CHIC2: variants seen among roughly 807,000 people sequenced by gnomAD.
The protein encoded by CHIC2 is cysteine rich hydrophobic domain 2, also known as cysteine-rich hydrophobic domain-containing protein 2.
A neutral mutation model predicts 25.9 loss-of-function variants in CHIC2; 14 were observed. The ratio of observed to expected loss-of-function variants is 0.54; its 90% confidence interval spans 0.36 to 0.85. CHIC2 has a LOEUF of 0.85. CHIC2 is among the 40% of genes least tolerant of loss of function. The pLI, the probability that CHIC2 is intolerant of heterozygous loss-of-function variation, is 0.01. For synonymous variants in CHIC2, 70 were observed against 72.0 expected (o/e 0.97, Z 0.14); for missense variants, 146 against 202.0 (o/e 0.72, Z 1.68).
At chr4:54,069,609 T>C in the CHIC2 span, among the ~76,000 whole-genome samples, 10 of 152,332 alleles carry the variant, frequency 6.6e-5, no homozygotes, top group Admixed American at 1.3e-4. Context: ...CAGCCCCTTC[T>C]GGTGATCAGC....
the CHIC2 span, chr4:54,087,604 C>T: frequency 2.0e-5 from 14 of 707,312 alleles, no homozygotes; most frequent in African/African-American, 2.4e-4. Flanking sequence ...CACACACCTA[C>T]TGAGGTTATT....
upstream of CHIC2, chr4:54,065,459 A>G: frequency 4.4e-6 from 1 of 225,994 alleles, no homozygotes; most frequent in South Asian, 1.6e-4. Flanking sequence ...GGCAGAGGAG[A>G]GGAAGAAAAG....
At chr4:54,078,393 TCTGGATCATAA>T in the CHIC2 span, among the ~76,000 whole-genome samples, 4 of 152,228 alleles carry the variant, frequency 2.6e-5, no homozygotes, top group Non-Finnish European at 4.4e-5. Context: ...CTCTTTTGTT[TCTGGATCATAA>T]TTAAAATAAT....
At chr4:54,041,367 A>T (rs1716573385) in intron 3 of CHIC2, among the ~76,000 whole-genome samples, 1 of 152,104 alleles carries the variant, frequency 6.6e-6, no homozygotes, top group Non-Finnish European at 1.5e-5. Flanking sequence ...ATGCCTCTCG[A>T]TCGAGGGTTC....
chr4:54,045,905 C>A (rs199737394), intron 3 of CHIC2, among the ~76,000 whole-genome samples: 3 of 152,004 alleles, frequency 2.0e-5, no homozygotes, highest in African/African-American at 7.2e-5. Context: ...AAAACCCCAT[C>A]GTCTCAGCCC....
the CHIC2 span, among the ~76,000 whole-genome samples, chr4:54,086,121 C>T: frequency 5.3e-5 from 8 of 151,870 alleles, no homozygotes; most frequent in African/African-American, 1.9e-4. Flanking sequence ...TATTGAGCAT[C>T]TCCTCTGCCA....
chr4:54,072,622 A>G, the CHIC2 span, among the ~76,000 whole-genome samples: 3 of 152,252 alleles, frequency 2.0e-5, no homozygotes, highest in Non-Finnish European at 2.9e-5. Context: ...TTTAAGGTCT[A>G]GAACTATGAC....
chr4:54,048,611 G>T (rs1577981962), intron 3 of CHIC2, among the ~76,000 whole-genome samples: 1 of 152,046 alleles, frequency 6.6e-6, no homozygotes, highest in East Asian at 1.9e-4. Flanking sequence ...GTCAAGTAGG[G>T]TTTAAAGAGG....
intron 1 of CHIC2, chr4:54,060,041 T>C (rs1382984246): frequency 6.6e-6 from 1 of 152,222 alleles, no homozygotes; most frequent in Non-Finnish European, 1.5e-5. Flanking sequence ...CATGATTCTG[T>C]AATTTGGCAA....
At chr4:54,079,338 T>A in the CHIC2 span, among the ~76,000 whole-genome samples, 2 of 152,134 alleles carry the variant, frequency 1.3e-5, no homozygotes, top group Admixed American at 1.3e-4. Context: ...GAAAATTTCC[T>A]TGACGTTGTT....
chr4:54,091,546 C>T, the CHIC2 span, among the ~76,000 whole-genome samples: 1 of 152,216 alleles, frequency 6.6e-6, no homozygotes, highest in Non-Finnish European at 1.5e-5. Flanking sequence ...TTCACTCACA[C>T]AGCTCCGCGC....
Position 54,009,851 on chromosome 4 carries a change from A to G in CHIC2, c.*244T>C, listed in dbSNP as rs1284985887. ...CAAAAAAGTAATCCTTGAAAATCAG[A>G]ATACATAACAGAAAAGAGCACAATA... On this transcript the variant is annotated 3_prime_UTR_variant, in exon 6 of 6. Transcript: ENST00000263921. 2 of 342,916 alleles carry G rather than the reference A, an allele frequency of 5.8e-6. No individual in the cohort carries two copies. The highest frequency in any genetic ancestry group is 4.2e-5 in the African/African-American group (2 of 47,160). The allele number at this position is 342,916 out of a possible 1,614,324, so 21.2% of individuals were successfully genotyped here.
chr4:54,066,625 CT>C (rs533491447), upstream of CHIC2, among the ~76,000 whole-genome samples: 1,363 of 133,612 alleles, frequency 0.01, 3 homozygotes, highest in Middle Eastern at 0.012. Context: ...TCCTGAATGT[CT>C]TTTTTTTTTT....
Position 54,039,132 on chromosome 4 carries a change from C to T in CHIC2, c.330+9823G>A, listed in dbSNP as rs150127315. On this transcript the variant is annotated intron_variant, in intron 3 of 5. Transcript: ENST00000263921. Reference sequence around the variant, plus strand: ...AAAACCTGAGTCAAAATGGGTCACACACCTAAAAGTAAAGAGATCACAGGA... The same window carrying T: ...AAAACCTGAGTCAAAATGGGTCACATACCTAAAAGTAAAGAGATCACAGGA... Among the ~76,000 whole-genome samples the T allele has an allele frequency of 2.9e-3, 439 of 152,110 alleles. 3 individuals carry two copies. Among genetic ancestry groups the T allele is most frequent in the African/African-American group, 1.0e-2 (414 of 41,482 alleles).
At chr4:54,077,694 C>G in the CHIC2 span, among the ~76,000 whole-genome samples, 1 of 152,198 alleles carries the variant, frequency 6.6e-6, no homozygotes, top group Non-Finnish European at 1.5e-5. Flanking sequence ...GAGGCTACTA[C>G]TCACCTTAGA....
At chr4:54,039,656 A>G (rs1248823857) in intron 3 of CHIC2, among the ~76,000 whole-genome samples, 1 of 152,228 alleles carries the variant, frequency 6.6e-6, no homozygotes, top group Admixed American at 6.5e-5. Context: ...AACAGTTTGG[A>G]GATTTTTTAT....
At chr4:54,034,054 G>C (rs1319625809) in intron 3 of CHIC2, among the ~76,000 whole-genome samples, 1 of 152,032 alleles carries the variant, frequency 6.6e-6, no homozygotes, top group East Asian at 1.9e-4. Context: ...GTCCTGCTGG[G>C]AATTTAGTTT....
At chr4:54,086,219 T>C in the CHIC2 span, among the ~76,000 whole-genome samples, 16,106 of 152,008 alleles carry the variant, frequency 0.11, 1,024 homozygotes, top group Non-Finnish European at 0.15. Flanking sequence ...CTTTGATTCA[T>C]GTGCAACCAG....
intron 1 of CHIC2, chr4:54,060,950 T>C (rs539756397): frequency 1.2e-4 from 19 of 152,250 alleles, no homozygotes; most frequent in African/African-American, 3.8e-4. Flanking sequence ...TTCCTTCCAA[T>C]ACCACTTTCC....
Sources: allele counts gnomAD v4.1 joint callset (sites outside exome capture counted in the v4.1 genomes callset), GRCh38; gene constraint gnomAD v4.1.1; transcripts MANE v1.5; gene names NCBI Gene and HGNC (gene_info 2026-07-23, HGNC 2026-07-21).